MAGI2: variants seen among roughly 807,000 people sequenced by gnomAD.
The protein encoded by MAGI2 is membrane associated guanylate kinase, WW and PDZ domain containing 2.
MAGI2 carries 35 observed loss-of-function variants against 133.3 expected under a neutral mutation model. That is an observed-to-expected ratio of 0.26 (90% CI 0.20 to 0.35). The LOEUF is 0.35. MAGI2 is among the 10% of genes least tolerant of loss of function. The pLI is 1.00. For synonymous variants in MAGI2, 729 were observed against 710.6 expected, an observed-to-expected ratio of 1.03 and a Z score of -0.41; for missense variants, 1,636 against 1,863.4, an observed-to-expected ratio of 0.88 and a Z score of 2.25.
intron 21 of MAGI2, among the ~76,000 whole-genome samples, chr7:78,043,453 T>A (rs1370634558): frequency 6.6e-6 from 1 of 152,198 alleles, no homozygotes; most frequent in Non-Finnish European, 1.5e-5. Context: ...AACATAGTTT[T>A]AGATTAATTT....
chr7:78,181,483 T>C (rs1827183987), intron 13 of MAGI2, among the ~76,000 whole-genome samples: 1 of 152,218 alleles, frequency 6.6e-6, no homozygotes, highest in Admixed American at 6.5e-5. Context: ...CAGGTGTCGC[T>C]TAATGCAGCT....
At chr7:78,227,372 T>G (rs1789495556) in intron 10 of MAGI2, among the ~76,000 whole-genome samples, 1 of 152,312 alleles carries the variant, frequency 6.6e-6, no homozygotes, top group Non-Finnish European at 1.5e-5. Context: ...CCCAACAGTA[T>G]CTTGATTACA....
At chr7:79,261,520 C>T (rs1328229905) in intron 1 of MAGI2, among the ~76,000 whole-genome samples, 1 of 152,130 alleles carries the variant, frequency 6.6e-6, no homozygotes, top group African/African-American at 2.4e-5. Flanking sequence ...GGCTTTTTGC[C>T]ATTTCCTTCA....
intron 1 of MAGI2, among the ~76,000 whole-genome samples, chr7:79,155,124 G>T (rs1823640698): frequency 6.6e-6 from 1 of 152,158 alleles, no homozygotes; most frequent in Admixed American, 6.6e-5. Flanking sequence ...ATGCCAGCTG[G>T]TTTGCAGGCA....
Position 79,453,465 on chromosome 7 carries a change from C to T in MAGI2, c.-145G>A. The stretch of plus-strand genomic sequence containing the variant: ...CCCCCCTCTATTCGGTGCTTTCCCT[C>T]TTCTTTGGATGGAGTGTGGACGAGG... On this transcript the variant is annotated 5_prime_UTR_variant, in exon 1 of 22. Transcript: ENST00000354212. 1 of 1,464,292 alleles carries T rather than the reference C, an allele frequency of 6.8e-7. No individual in the cohort carries two copies. The highest frequency in any genetic ancestry group is 9.0e-7 in the Non-Finnish European group (1 of 1,115,362). 90.7% of individuals were successfully genotyped at this position (1,464,292 alleles called of 1,614,324 possible). A position where few individuals can be genotyped will look rare whatever the true frequency, so the allele number is the denominator to read the frequency against.
chr7:78,678,442 C>G (rs1347860007), intron 2 of MAGI2, among the ~76,000 whole-genome samples: 1 of 152,102 alleles, frequency 6.6e-6, no homozygotes, highest in African/African-American at 2.4e-5. Context: ...GAGAGGGACT[C>G]TACTCATTAG....
intron 1 of MAGI2, among the ~76,000 whole-genome samples, chr7:79,101,681 G>T (rs1000171267): frequency 7.4e-6 from 1 of 134,940 alleles, no homozygotes; most frequent in Non-Finnish European, 1.5e-5. Context: ...CCGAGATCGC[G>T]CCACCGCACT....
Position 78,982,833 on chromosome 7 carries a change from A to C in MAGI2, c.418+24257T>G, listed in dbSNP as rs112116309. On this transcript the variant is annotated intron_variant, in intron 2 of 21. Coordinates refer to ENST00000354212, the MANE Select transcript of MAGI2 (RefSeq NM_012301.4). ...TTTGTCTAAGAGTAACTAAAAAGCC[A>C]AAGAGGATGAAAATGGAAAGGAGAG... 3.5e-3 allele frequency among the ~76,000 whole-genome samples: 528 copies of C among 152,026 alleles called. 4 individuals carry two copies. Among genetic ancestry groups the C allele is most frequent in the African/African-American group, 0.011 (468 of 41,510 alleles).
intron 2 of MAGI2, among the ~76,000 whole-genome samples, chr7:78,678,448 A>T (rs1391663343): frequency 6.6e-6 from 1 of 152,100 alleles, no homozygotes; most frequent in Non-Finnish European, 1.5e-5. Context: ...GACTCTACTC[A>T]TTAGTAGGGT....
intron 1 of MAGI2, among the ~76,000 whole-genome samples, chr7:79,313,931 T>TCA (rs1838497682): frequency 6.6e-6 from 1 of 151,880 alleles, no homozygotes; most frequent in South Asian, 2.1e-4. Context: ...GCCTCCTGAG[T>TCA]AGCTGAGACT....
rs185603804 is a variant in MAGI2 at position 78,652,361 on chromosome 7, A to C, written c.419-25122T>G. On this transcript the variant is annotated intron_variant, in intron 2 of 21. Transcript: ENST00000354212. ...CAATACAATAATATCAAGGGTCGCT[A>C]CCTGACTTCAAACTACACTACAAGG... 2.3e-3 allele frequency among the ~76,000 whole-genome samples: 355 copies of C among 152,296 alleles called. 2 individuals are homozygous for C. The highest frequency in any genetic ancestry group is 8.0e-3 in the African/African-American group (334 of 41,576).
chr7:79,228,056 T>G (rs2129553958), intron 1 of MAGI2, among the ~76,000 whole-genome samples: 1 of 152,176 alleles, frequency 6.6e-6, no homozygotes, highest in African/African-American at 2.4e-5. Flanking sequence ...AAACAAAAAC[T>G]GCTGAAGGCT....
chr7:78,390,756 G>A (rs1261101786), intron 6 of MAGI2, among the ~76,000 whole-genome samples: 1 of 152,024 alleles, frequency 6.6e-6, no homozygotes, highest in African/African-American at 2.4e-5. Flanking sequence ...CATTTTCCAT[G>A]CCCCTTCCTG....
chr7:78,879,807 A>G (rs1050876335), intron 2 of MAGI2, among the ~76,000 whole-genome samples: 4 of 152,122 alleles, frequency 2.6e-5, no homozygotes, highest in Admixed American at 2.6e-4. Context: ...GAGATTCAGA[A>G]AAAGTTTGAA....
chr7:79,149,873 C>T (rs950416495), intron 1 of MAGI2, among the ~76,000 whole-genome samples: 3 of 152,084 alleles, frequency 2.0e-5, no homozygotes, highest in Non-Finnish European at 4.4e-5. Flanking sequence ...TTAAAAATGG[C>T]ATTTAAATGC....
At chr7:78,955,714 T>C (rs1802257718) in intron 2 of MAGI2, among the ~76,000 whole-genome samples, 1 of 116,370 alleles carries the variant, frequency 8.6e-6, no homozygotes, top group African/African-American at 3.6e-5. Context: ...TCTTTCTTTT[T>C]CTTTCTTTCT....
At chr7:78,209,201 G>A (rs1424112717) in intron 10 of MAGI2, among the ~76,000 whole-genome samples, 362 of 23,662 alleles carry the variant, frequency 0.015, 16 homozygotes, top group African/African-American at 0.033. Context: ...CACCCTGGGC[G>A]ACAGAGCAAG....
chr7:78,753,968 T>C (rs1165200264), intron 2 of MAGI2, among the ~76,000 whole-genome samples: 2 of 152,058 alleles, frequency 1.3e-5, no homozygotes. Flanking sequence ...TAAGTAAAAA[T>C]CATCACTTGT....
chr7:79,098,199 G>A (rs1817678618), intron 1 of MAGI2, among the ~76,000 whole-genome samples: 1 of 152,236 alleles, frequency 6.6e-6, no homozygotes, highest in Non-Finnish European at 1.5e-5. Flanking sequence ...GTAATAGTTG[G>A]AGCTTAAGCA....
Sources: allele counts gnomAD v4.1 joint callset (sites outside exome capture counted in the v4.1 genomes callset), GRCh38; gene constraint gnomAD v4.1.1; transcripts MANE v1.5; gene names NCBI Gene and HGNC (gene_info 2026-07-23, HGNC 2026-07-21).